The following DNAH7 variants were observed in gnomAD, a reference collection of about 807,000 sequenced individuals.
The protein encoded by DNAH7 is dynein axonemal heavy chain 7.
A neutral mutation model predicts 444.6 loss-of-function variants in DNAH7; 397 were observed. The ratio of observed to expected loss-of-function variants is 0.89; its 90% CI spans 0.82 to 0.97. The LOEUF is 0.97. DNAH7 is among the 50% of genes least tolerant of loss of function. DNAH7 has a pLI of 0.00. For missense variants in DNAH7, 4,902 were observed against 4,800.8 expected (o/e 1.02, Z -0.62); for synonymous variants, 1,636 against 1,624.4 (o/e 1.01, Z -0.17).
chr2:196,023,642 T>TC (rs1296384780), intron 8 of DNAH7, among the ~76,000 whole-genome samples: 3 of 152,174 alleles, frequency 2.0e-5, no homozygotes, highest in Admixed American at 6.6e-5. Flanking sequence ...CCAGACCACT[T>TC]CCTCCATATC....
intron 5 of DNAH7, among the ~76,000 whole-genome samples, chr2:196,040,624 T>C (rs1439409151): frequency 6.6e-6 from 1 of 152,084 alleles, no homozygotes; most frequent in Non-Finnish European, 1.5e-5. Flanking sequence ...TCATACTAAA[T>C]GGGGATAAAT....
At chr2:195,771,144 C>A (rs1475472355) in intron 61 of DNAH7, among the ~76,000 whole-genome samples, 1 of 151,660 alleles carries the variant, frequency 6.6e-6, no homozygotes, top group African/African-American at 2.4e-5. Context: ...GATGGCGAGA[C>A]CCCATCTCTA....
intron 46 of DNAH7, among the ~76,000 whole-genome samples, chr2:195,848,644 T>C (rs1258096337): frequency 6.6e-6 from 1 of 152,222 alleles, no homozygotes; most frequent in Non-Finnish European, 1.5e-5. Context: ...CACACAGGTG[T>C]TGTCAGGAGA....
intron 49 of DNAH7, among the ~76,000 whole-genome samples, chr2:195,822,773 T>C (rs913440841): frequency 6.6e-6 from 1 of 152,246 alleles, no homozygotes; most frequent in African/African-American, 2.4e-5. Context: ...CCACGTATTT[T>C]ACTGAACAGT....
At chr2:195,778,644 ATATATAT>A (rs1695208387) in intron 58 of DNAH7, among the ~76,000 whole-genome samples, 9 of 39,088 alleles carry the variant, frequency 2.3e-4, no homozygotes, top group East Asian at 9.0e-4. Context: ...AAATAAATAA[ATATATAT>A]ATATATATAT....
At chr2:195,978,764 C>T (rs957244100) in intron 15 of DNAH7, among the ~76,000 whole-genome samples, 14 of 151,886 alleles carry the variant, frequency 9.2e-5, no homozygotes, top group African/African-American at 3.4e-4. Flanking sequence ...CAAAAGAGAC[C>T]CGGAGTAGCT....
At chr2:195,739,661 A>C (rs1268186817) in intron 64 of DNAH7, among the ~76,000 whole-genome samples, 2 of 152,248 alleles carry the variant, frequency 1.3e-5, no homozygotes, top group African/African-American at 4.8e-5. Context: ...GTGTATGTAT[A>C]TACAGTGGAC....
chr2:195,758,435 A>G (rs1694189411), intron 61 of DNAH7, among the ~76,000 whole-genome samples: 2 of 152,166 alleles, frequency 1.3e-5, no homozygotes, highest in Admixed American at 1.3e-4. Flanking sequence ...ACATTTTAAA[A>G]TGTATTTACA....
chr2:195,836,265 C>T (rs1371196330), intron 47 of DNAH7, among the ~76,000 whole-genome samples: 1 of 152,104 alleles, frequency 6.6e-6, no homozygotes, highest in Non-Finnish European at 1.5e-5. Flanking sequence ...GCTTCTAATC[C>T]CAGTGCTTTG....
chr2:196,050,460 T>C (rs1484385994), intron 3 of DNAH7, among the ~76,000 whole-genome samples: 2 of 152,218 alleles, frequency 1.3e-5, no homozygotes, highest in African/African-American at 2.4e-5. Context: ...TGAATGTCAC[T>C]GAATACTTAA....
chr2:195,961,403 C>T (rs1296407514), intron 17 of DNAH7, among the ~76,000 whole-genome samples: 1 of 147,224 alleles, frequency 6.8e-6, no homozygotes, highest in Non-Finnish European at 1.5e-5. Flanking sequence ...CCACTACCCA[C>T]CAGCCCCACC....
chr2:195,879,528 A>G (rs1701254969), intron 36 of DNAH7, among the ~76,000 whole-genome samples: 1 of 152,176 alleles, frequency 6.6e-6, no homozygotes, highest in Admixed American at 6.5e-5. Context: ...TTATGTTTTC[A>G]TAAGCTATCG....
At chr2:195,802,331 T>C (rs1322873308) in intron 54 of DNAH7, among the ~76,000 whole-genome samples, 2 of 152,114 alleles carry the variant, frequency 1.3e-5, no homozygotes, top group African/African-American at 4.8e-5. Flanking sequence ...GCCAACATGG[T>C]GAAACCCTGT....
chr2:195,870,324 G>T (rs570874419), intron 40 of DNAH7, among the ~76,000 whole-genome samples: 18 of 152,234 alleles, frequency 1.2e-4, no homozygotes, highest in East Asian at 5.8e-4. Flanking sequence ...AAAATCAAGG[G>T]GGGTAGGGAT....
At chr2:195,938,355 C>CAG (rs1363784717) in intron 19 of DNAH7, among the ~76,000 whole-genome samples, 1 of 150,774 alleles carries the variant, frequency 6.6e-6, no homozygotes, top group African/African-American at 2.4e-5. Context: ...CACACACACA[C>CAG]ACACACACAC....
At chr2:195,808,312 C>A (rs1019309494) in intron 53 of DNAH7, among the ~76,000 whole-genome samples, 1 of 152,158 alleles carries the variant, frequency 6.6e-6, no homozygotes, top group African/African-American at 2.4e-5. Flanking sequence ...GACACACACA[C>A]AGAATTTTAT....
chr2:196,025,083 T>C (rs1327132853), intron 7 of DNAH7, among the ~76,000 whole-genome samples: 1 of 152,352 alleles, frequency 6.6e-6, no homozygotes, highest in Non-Finnish European at 1.5e-5. Flanking sequence ...TACGGGAGGA[T>C]GTACATAGGT....
intron 5 of DNAH7, among the ~76,000 whole-genome samples, chr2:196,033,275 C>T (rs1452982322): frequency 6.6e-6 from 1 of 152,070 alleles, no homozygotes; most frequent in Non-Finnish European, 1.5e-5. Context: ...ATTAACATAT[C>T]CATCACCTCA....
intron 4 of DNAH7, 29 bp from the exon 5 acceptor site, chr2:196,047,528 A>G: frequency 1.3e-6 from 2 of 1,510,314 alleles, no homozygotes; most frequent in African/African-American, 2.8e-5. Flanking sequence ...AAAAAGCACA[A>G]TTATTCATCT....
Sources: allele counts gnomAD v4.1 joint callset (sites outside exome capture counted in the v4.1 genomes callset), GRCh38; gene constraint gnomAD v4.1.1; transcripts MANE v1.5; gene names NCBI Gene and HGNC (gene_info 2026-07-23, HGNC 2026-07-21).